ATRNL1: variants seen among roughly 807,000 people sequenced by gnomAD.
The protein encoded by ATRNL1 is attractin-like protein 1.
ATRNL1 carries 95 observed loss-of-function variants against 182.7 expected under a neutral mutation model. The observed-to-expected ratio is 0.52, with a 90% CI of 0.44 to 0.62. ATRNL1 has a LOEUF of 0.62. Among genes scored for constraint, ATRNL1 ranks in the 20% least tolerant of loss-of-function variants. The pLI is 0.00. For missense variants in ATRNL1, 1,471 were observed against 1,679.5 expected, an observed-to-expected ratio of 0.88 and a Z score of 2.17; for synonymous variants, 576 against 568.3, an observed-to-expected ratio of 1.01 and a Z score of -0.19.
chr10:115,102,434 G>A (rs1007710397), intron 1 of ATRNL1, among the ~76,000 whole-genome samples: 10 of 151,382 alleles, frequency 6.6e-5, no homozygotes, highest in African/African-American at 2.2e-4. Flanking sequence ...ATGTATATGT[G>A]TATATATATA....
chr10:115,187,058 T>G lies in ATRNL1; in HGVS notation c.1348+15766T>G, dbSNP rs80219076. ...AGGGAAATGCAAATTAAAACTACAA[T>G]GATCTATGATCTCTCCCCTCACACC... On this transcript the variant is annotated intron_variant, in intron 8 of 28. Coordinates refer to ENST00000355044, the MANE Select transcript of ATRNL1 (RefSeq NM_207303.4). Among the ~76,000 whole-genome samples, 208 of 152,148 alleles carry G rather than the reference T, an allele frequency of 1.4e-3. 6 individuals carry two copies. The East Asian group carries it at 0.029, about 21-fold the overall frequency.
chr10:115,670,722 A>G (rs1192968505), intron 26 of ATRNL1, among the ~76,000 whole-genome samples: 7 of 152,110 alleles, frequency 4.6e-5, no homozygotes, highest in Non-Finnish European at 1.0e-4. Context: ...TGACTATAAA[A>G]TATATTTCTT....
chr10:115,289,952 G>T (rs1852811551), intron 15 of ATRNL1, among the ~76,000 whole-genome samples: 1 of 152,080 alleles, frequency 6.6e-6, no homozygotes, highest in African/African-American at 2.4e-5. Context: ...AGTGCATTGA[G>T]TCTGTAGATT....
At chr10:115,794,169 G>A (rs1200069793) in intron 27 of ATRNL1, among the ~76,000 whole-genome samples, 2 of 152,090 alleles carry the variant, frequency 1.3e-5, no homozygotes, top group African/African-American at 4.8e-5. Context: ...CTCAGGCCTT[G>A]TGACACAGTA....
chr10:115,110,060 AATG>A (rs1262931670), intron 1 of ATRNL1, among the ~76,000 whole-genome samples: 3 of 152,294 alleles, frequency 2.0e-5, no homozygotes, highest in South Asian at 2.1e-4. Context: ...GAATTTTTAT[AATG>A]ATGTTTTATC....
intron 28 of ATRNL1, among the ~76,000 whole-genome samples, chr10:115,866,605 T>C (rs1951444973): frequency 6.6e-6 from 1 of 152,214 alleles, no homozygotes; most frequent in Non-Finnish European, 1.5e-5. Flanking sequence ...GTGTCTACTC[T>C]ACAGTTTATG....
chr10:115,694,672 T>G (rs535967517), intron 26 of ATRNL1, among the ~76,000 whole-genome samples: 1 of 152,214 alleles, frequency 6.6e-6, no homozygotes, highest in East Asian at 1.9e-4. Flanking sequence ...TAAACATGAT[T>G]TGATGTTCAA....
chr10:115,101,750 A>C (rs1843777406), intron 1 of ATRNL1, among the ~76,000 whole-genome samples: 1 of 152,112 alleles, frequency 6.6e-6, no homozygotes, highest in Non-Finnish European at 1.5e-5. Flanking sequence ...TTGCTGAAAG[A>C]GTTTTTAGGG....
intron 19 of ATRNL1, among the ~76,000 whole-genome samples, chr10:115,377,062 T>G (rs1564974475): frequency 1.3e-5 from 2 of 152,286 alleles, no homozygotes; most frequent in African/African-American, 2.4e-5. Context: ...ATTTTGTTCT[T>G]TTTATTGTTT....
Position 115,301,973 on chromosome 10 carries a change from T to C in ATRNL1, c.2748T>C (p.Val916=). ...CMWCSSTKRC[V]DSNAYIISFP... ...GGTGCAGCAGTACGAAACGATGTGT[T>C]GACTCTAATGCCTATATCATCTCTT... Residue 916 remains valine, a synonymous_variant, in exon 17 of 29, where the codon GTT becomes GTC. Coordinates refer to ENST00000355044, the MANE Select transcript of ATRNL1 (RefSeq NM_207303.4). 1 of 1,614,142 alleles carries C rather than the reference T, an allele frequency of 6.2e-7. No individual in the cohort carries two copies. The highest frequency in any genetic ancestry group is 8.5e-7 in the Non-Finnish European group (1 of 1,179,962).
chr10:115,609,845 A>G (rs1315948038), intron 26 of ATRNL1, among the ~76,000 whole-genome samples: 1 of 152,118 alleles, frequency 6.6e-6, no homozygotes, highest in East Asian at 1.9e-4. Flanking sequence ...CCTCAACATA[A>G]GTGGAAGGAG....
At chr10:115,404,422 A>G (rs1844723539) in intron 20 of ATRNL1, among the ~76,000 whole-genome samples, 1 of 152,156 alleles carries the variant, frequency 6.6e-6, no homozygotes, top group African/African-American at 2.4e-5. Context: ...CTGTTTCCTC[A>G]TTCAGCAGTT....
chr10:115,140,833 A>C (rs1440744698), intron 5 of ATRNL1, among the ~76,000 whole-genome samples: 2 of 152,176 alleles, frequency 1.3e-5, no homozygotes, highest in African/African-American at 2.4e-5. Context: ...TTTGTTGCGT[A>C]GTGCCTCTGA....
intron 26 of ATRNL1, among the ~76,000 whole-genome samples, chr10:115,587,506 G>A (rs1241008978): frequency 3.3e-5 from 5 of 151,524 alleles, no homozygotes; most frequent in Non-Finnish European, 7.4e-5. Flanking sequence ...TATTCAGGTG[G>A]GAGTGACCCG....
intron 19 of ATRNL1, among the ~76,000 whole-genome samples, chr10:115,361,287 T>C (rs1228532949): frequency 6.6e-6 from 1 of 152,014 alleles, no homozygotes; most frequent in Non-Finnish European, 1.5e-5. Flanking sequence ...CTTGCTTTTC[T>C]CTCTTTTGTC....
intron 19 of ATRNL1, among the ~76,000 whole-genome samples, chr10:115,364,281 A>G (rs1452211996): frequency 2.6e-4 from 32 of 120,802 alleles, no homozygotes; most frequent in East Asian, 1.8e-3. Flanking sequence ...CTTTGAAGCA[A>G]TTGTGAATGG....
intron 26 of ATRNL1, among the ~76,000 whole-genome samples, chr10:115,588,199 G>A (rs898982564): frequency 2.6e-5 from 4 of 152,090 alleles, no homozygotes; most frequent in Non-Finnish European, 5.9e-5. Context: ...ATTCTAGACT[G>A]TCCTCCCTTC....
intron 28 of ATRNL1, among the ~76,000 whole-genome samples, chr10:115,854,933 C>T (rs1025880038): frequency 6.6e-6 from 1 of 152,146 alleles, no homozygotes; most frequent in Non-Finnish European, 1.5e-5. Flanking sequence ...CTAATCATAT[C>T]GCTTCCTCAT....
intron 1 of ATRNL1, among the ~76,000 whole-genome samples, 191 bp downstream of exon 1, chr10:115,094,234 C>T (rs1011303115): frequency 6.6e-6 from 1 of 151,708 alleles, no homozygotes; most frequent in Non-Finnish European, 1.5e-5. Flanking sequence ...CGGGGCGCCC[C>T]GGGAGAGCTC....
Sources: gnomAD v4.1 joint callset for allele counts (sites outside exome capture counted in the v4.1 genomes callset) on GRCh38, gnomAD v4.1.1 for gene constraint, MANE v1.5 for transcripts, NCBI Gene and HGNC (gene_info 2026-07-23, HGNC 2026-07-21) for gene names.